Variants in COL26A1 observed in about 807,000 individuals in gnomAD.
The protein encoded by COL26A1 is collagen type XXVI alpha 1 chain.
Under a neutral mutation model 59.3 loss-of-function variants are expected in COL26A1, and 41 were observed. The ratio of observed to expected loss-of-function variants is 0.69; its 90% confidence interval spans 0.54 to 0.90. The LOEUF is 0.90. COL26A1 is among the 40% of genes least tolerant of loss of function. The probability of loss-of-function intolerance (pLI) is 0.00; values close to 1 mark genes in which losing one functional copy is unlikely to be tolerated. For missense variants in COL26A1, 612 were observed against 602.3 expected (o/e 1.02, Z -0.17); for synonymous variants, 266 against 256.0 (o/e 1.04, Z -0.37).
intron 3 of COL26A1, among the ~76,000 whole-genome samples, chr7:101,487,998 C>T (rs992935535): frequency 5.3e-5 from 8 of 152,036 alleles, no homozygotes; most frequent in South Asian, 2.1e-4. Context: ...TTAGGCTGGG[C>T]GCAGTGGCTC....
At position 101,488,345 on chromosome 7, in the gene COL26A1, A is replaced by AT. The variant is rs1423065312; in HGVS notation, c.385+40561dup. Among the ~76,000 whole-genome samples, 6 of 87,224 alleles carry AT rather than the reference A, an allele frequency of 6.9e-5. No homozygotes were observed. In the East Asian group the frequency reaches 7.5e-4, roughly 11 times the overall value. The allele number at this position is 87,224 out of a possible 152,430, so 57.2% of individuals were successfully genotyped here. A position where few individuals can be genotyped will look rare whatever the true frequency, so the allele number is the denominator to read the frequency against. ...AACATTTTAATCCGTTTTTAATTTT[A>AT]TTTAATATATATATATATATATATA... On this transcript the variant is annotated intron_variant, in intron 3 of 12. Transcript: ENST00000313669.
chr7:101,386,273 T>TTTTTTG (rs1554403863), intron 1 of COL26A1, among the ~76,000 whole-genome samples: 7 of 148,912 alleles, frequency 4.7e-5, no homozygotes, highest in South Asian at 2.1e-4. Context: ...TTTTTTTTTT[T>TTTTTTG]TTTTTTTAAT....
At chr7:101,552,332 A>G (rs1795878261) in intron 10 of COL26A1, among the ~76,000 whole-genome samples, 1 of 152,180 alleles carries the variant, frequency 6.6e-6, no homozygotes, top group African/African-American at 2.4e-5. Context: ...TGAGCTGGGC[A>G]TGGTGGTGGC....
chr7:101,504,431 C>A (rs1794765334), intron 3 of COL26A1, among the ~76,000 whole-genome samples: 1 of 152,124 alleles, frequency 6.6e-6, no homozygotes, highest in Non-Finnish European at 1.5e-5. Context: ...CCCATGCTGA[C>A]CCCTCTCATG....
At chr7:101,424,727 G>T (rs530893027) in intron 2 of COL26A1, among the ~76,000 whole-genome samples, 2 of 152,278 alleles carry the variant, frequency 1.3e-5, no homozygotes, top group South Asian at 2.1e-4. Context: ...GTCTGGGCAG[G>T]GAGAGGCAAG....
chr7:101,503,457 A>G (rs1794744765), intron 3 of COL26A1, among the ~76,000 whole-genome samples: 6 of 151,894 alleles, frequency 4.0e-5, no homozygotes, highest in Admixed American at 2.6e-4. Context: ...TCATCACTCA[A>G]TTGCAGCCTC....
In COL26A1 at chr7:101,526,741, G is replaced by A. The variant is rs986241695; in HGVS notation, c.386-6341G>A. On this transcript the variant is annotated intron_variant, in intron 3 of 12. Coordinates refer to ENST00000313669, the MANE Select transcript of COL26A1 (RefSeq NM_001278563.3). ...ACTGTTGTCCTGCTGTGGGTGGGCAGAGCCCGGAAGTGAGAGGCCGAGGAG... is the reference window on the plus strand; with the variant it reads ...ACTGTTGTCCTGCTGTGGGTGGGCAAAGCCCGGAAGTGAGAGGCCGAGGAG... 6.6e-5 allele frequency among the ~76,000 whole-genome samples: 10 copies of A among 152,338 alleles called. No homozygotes were observed. The South Asian group carries it at 1.4e-3, about 22-fold the overall frequency.
At chr7:101,455,417 C>T (rs1793445528) in intron 3 of COL26A1, among the ~76,000 whole-genome samples, 1 of 152,078 alleles carries the variant, frequency 6.6e-6, no homozygotes, top group African/African-American at 2.4e-5. Flanking sequence ...TTACACCTCT[C>T]ACTTGGGTGA....
At chr7:101,403,806 C>G (rs891738672) in intron 1 of COL26A1, among the ~76,000 whole-genome samples, 1 of 152,132 alleles carries the variant, frequency 6.6e-6, no homozygotes, top group Admixed American at 6.6e-5. Context: ...AGATTAAAGC[C>G]TGATCCAGGC....
intron 2 of COL26A1, among the ~76,000 whole-genome samples, chr7:101,440,072 A>G (rs1284575868): frequency 6.6e-6 from 1 of 152,196 alleles, no homozygotes; most frequent in Non-Finnish European, 1.5e-5. Flanking sequence ...TGCATTTTAG[A>G]AAGTTTGCCT....
intron 3 of COL26A1, among the ~76,000 whole-genome samples, chr7:101,519,672 C>G (rs2130606696): frequency 6.6e-6 from 1 of 152,358 alleles, no homozygotes; most frequent in South Asian, 2.1e-4. Context: ...GCACAGCCCT[C>G]TCTGTGCCTC....
intron 1 of COL26A1, among the ~76,000 whole-genome samples, chr7:101,396,448 A>T (rs894634120): frequency 1.3e-5 from 2 of 151,528 alleles, no homozygotes; most frequent in African/African-American, 4.9e-5. Flanking sequence ...TCCTCTGACA[A>T]TTCCAGAGCT....
At chr7:101,482,820 G>A (rs989481687) in intron 3 of COL26A1, among the ~76,000 whole-genome samples, 1 of 152,226 alleles carries the variant, frequency 6.6e-6, no homozygotes, top group Non-Finnish European at 1.5e-5. Flanking sequence ...AGCCAGGCGT[G>A]TTGGCACACG....
chr7:101,479,370 C>T (rs115081422), intron 3 of COL26A1, among the ~76,000 whole-genome samples: 3,379 of 152,252 alleles, frequency 0.022, 145 homozygotes, highest in African/African-American at 0.076. Flanking sequence ...CTTTAGACAT[C>T]GCTCTTGAAT....
intron 7 of COL26A1, among the ~76,000 whole-genome samples, chr7:101,545,913 C>T (rs1411223822): frequency 6.6e-6 from 1 of 152,234 alleles, no homozygotes; most frequent in Non-Finnish European, 1.5e-5. Flanking sequence ...TGTACTTGTT[C>T]CTCACCCGCC....
At chr7:101,526,884 A>G (rs549425408) in intron 3 of COL26A1, among the ~76,000 whole-genome samples, 2 of 152,204 alleles carry the variant, frequency 1.3e-5, no homozygotes, top group South Asian at 4.1e-4. Context: ...GGGCGTCTCA[A>G]GCCACACGGT....
chr7:101,447,784 G>A lies in COL26A1; in HGVS notation c.382G>A (p.Glu128Lys). The change falls in exon 3 of 13, where the codon GAG becomes AAG. Residue 128 changes from glutamate to lysine, a missense_variant. By Grantham distance (56) the Glu-to-Lys change is moderately conservative. Coordinates refer to ENST00000313669, the MANE Select transcript of COL26A1 (RefSeq NM_001278563.3). ...TGGCTTCACCGGGAGCAACTGTGAT[G>A]AGGGTAAGTTGGCAGGCACTTGGGC... ...CPGFTGSNCD[E>K]ECMNCTRLSD... 6.3e-7 allele frequency: 1 copy of A among 1,595,980 alleles called. No homozygotes were observed.
intron 1 of COL26A1, among the ~76,000 whole-genome samples, chr7:101,402,362 A>G (rs1293132068): frequency 1.3e-5 from 2 of 152,104 alleles, no homozygotes; most frequent in African/African-American, 2.4e-5. Context: ...GAGGAAATTA[A>G]AAGCAGGAAT....
intron 1 of COL26A1, among the ~76,000 whole-genome samples, chr7:101,397,465 C>CTCCT (rs902567468): frequency 8.7e-6 from 1 of 115,050 alleles, no homozygotes; most frequent in South Asian, 2.6e-4. Flanking sequence ...TTTCTTTGCT[C>CTCCT]TCCTTCCTTC....
Sources: allele counts gnomAD v4.1 joint callset (sites outside exome capture counted in the v4.1 genomes callset), GRCh38; gene constraint gnomAD v4.1.1; transcripts MANE v1.5; gene names NCBI Gene and HGNC (gene_info 2026-07-23, HGNC 2026-07-21).